Variants in EBF3 observed in about 807,000 individuals in gnomAD.
EBF3 encodes the protein transcription factor COE3.
A neutral mutation model predicts 77.1 loss-of-function variants in EBF3; 18 were observed. The ratio of observed to expected loss-of-function variants is 0.23; its 90% CI spans 0.16 to 0.35. The LOEUF (loss-of-function observed/expected upper bound fraction) is 0.35, where lower values mean the gene tolerates loss of function less well. Among genes scored for constraint, EBF3 ranks in the 10% least tolerant of loss-of-function variants. The pLI, the probability that EBF3 is intolerant of heterozygous loss-of-function variation, is 1.00. For missense variants in EBF3, 558 were observed against 860.0 expected (o/e 0.65, Z 4.39); for synonymous variants, 350 against 343.5 (o/e 1.02, Z -0.21).
chr10:129,874,930 G>A (rs948072121), intron 7 of EBF3, among the ~76,000 whole-genome samples: 4 of 152,084 alleles, frequency 2.6e-5, no homozygotes, highest in Non-Finnish European at 5.9e-5. Flanking sequence ...AGGGGGAGGG[G>A]CGCACGGGGG....
Position 129,962,994 on chromosome 10 carries a change from G to A in EBF3, c.303C>T (p.Asn101=), listed in dbSNP as rs771053013. The change falls in exon 3 of 17, where the codon AAC becomes AAT. Residue 101 remains asparagine, a synonymous_variant. Coordinates refer to ENST00000440978, the MANE Select transcript of EBF3 (RefSeq NM_001375380.1). ...DFVEKEKEPN[N]EKTNNGIHYK... is the part of the protein sequence containing the mutation. ...AGTGGATGCCGTTGTTGGTTTTCTCGTTGTTTGGCTCCTGAAAGTAACGAT... is the reference window on the plus strand; with the variant it reads ...AGTGGATGCCGTTGTTGGTTTTCTCATTGTTTGGCTCCTGAAAGTAACGAT... The A allele has an allele frequency of 1.9e-6, 3 of 1,614,132 alleles. No homozygotes were observed. The highest frequency in any genetic ancestry group is 2.7e-5 in the African/African-American group (2 of 75,056).
At position 129,920,360 on chromosome 10, in the gene EBF3, C is replaced by T. The variant is rs555669276; in HGVS notation, c.554+36898G>A. ...AGGGCCACAAACCCGCCCCGCTGTGCGGTCTAGGGCGAATATCTGCAGGAG... is the reference window on the plus strand; with the variant it reads ...AGGGCCACAAACCCGCCCCGCTGTGTGGTCTAGGGCGAATATCTGCAGGAG... On this transcript the variant is annotated intron_variant, in intron 6 of 16. Coordinates refer to ENST00000440978, the MANE Select transcript of EBF3 (RefSeq NM_001375380.1). Among the ~76,000 whole-genome samples, 144 of 151,826 alleles carry T rather than the reference C, an allele frequency of 9.5e-4. 1 individual carries two copies. Among genetic ancestry groups the T allele is most frequent in the Admixed American group, 5.4e-3 (83 of 15,252 alleles).
At chr10:129,939,188 C>G (rs953251018) in intron 6 of EBF3, among the ~76,000 whole-genome samples, 1 of 152,218 alleles carries the variant, frequency 6.6e-6, no homozygotes, top group African/African-American at 2.4e-5. Context: ...CAGTGGCAGC[C>G]AAACTGTGTT....
In EBF3 at chr10:129,901,793, T is replaced by TA. The variant is rs148435605; in HGVS notation, c.555-23945dup. The stretch of plus-strand genomic sequence containing the variant: ...GCCCTCGGTACAGTTTGCTCTGGTT[T>TA]AATGAGTTGGGGTGGGCCTCGTGGC... On this transcript the variant is annotated intron_variant, in intron 6 of 16. Coordinates refer to ENST00000440978, the MANE Select transcript of EBF3 (RefSeq NM_001375380.1). 7.6e-3 allele frequency among the ~76,000 whole-genome samples: 1,162 copies of TA among 152,328 alleles called. 11 individuals are homozygous for TA. The highest frequency in any genetic ancestry group is 0.026 in the African/African-American group (1,076 of 41,576).
intron 6 of EBF3, among the ~76,000 whole-genome samples, chr10:129,937,502 A>G (rs1857443430): frequency 6.6e-6 from 1 of 152,158 alleles, no homozygotes; most frequent in South Asian, 2.1e-4. Flanking sequence ...CCAAGCCCAC[A>G]CAACCTGTGG....
chr10:129,840,500 G>C, intron 14 of EBF3, 58 bp from the exon 15 acceptor site: 1 of 1,519,922 alleles, frequency 6.6e-7, no homozygotes, highest in Non-Finnish European at 8.9e-7. Flanking sequence ...CACGGCGAGA[G>C]GGCACCAAAG....
intron 10 of EBF3, among the ~76,000 whole-genome samples, chr10:129,850,428 C>T (rs1396106137): frequency 6.6e-6 from 1 of 152,190 alleles, no homozygotes; most frequent in Non-Finnish European, 1.5e-5. Flanking sequence ...AGTACATGGG[C>T]CCCTTTCACC....
At chr10:129,959,448 G>A (rs889115386) in intron 4 of EBF3, among the ~76,000 whole-genome samples, 2 of 152,100 alleles carry the variant, frequency 1.3e-5, no homozygotes, top group African/African-American at 4.8e-5. Context: ...CAATCTGCAT[G>A]TTGGGAGAGG....
intron 10 of EBF3, among the ~76,000 whole-genome samples, chr10:129,854,070 A>G (rs1851079691): frequency 6.9e-6 from 1 of 144,516 alleles, no homozygotes; most frequent in African/African-American, 2.5e-5. Context: ...TCCCCCCTGA[A>G]TACCTTGCCC....
rs75023690 is a variant in EBF3 at position 129,881,880 on chromosome 10, T to C, written c.555-4031A>G. On this transcript the variant is annotated intron_variant, in intron 6 of 16. Coordinates refer to ENST00000440978, the MANE Select transcript of EBF3 (RefSeq NM_001375380.1). ...GACTCATCTGCTCTAAATAGAGTTG[T>C]GGCCACCACTGCACCCAAGGAAGAA... 6.8e-3 allele frequency among the ~76,000 whole-genome samples: 1,040 copies of C among 152,354 alleles called. 6 individuals carry two copies. The highest frequency in any genetic ancestry group is 0.05 in the East Asian group (258 of 5,174).
At chr10:129,844,733 C>G (rs766553630) in intron 11 of EBF3, among the ~76,000 whole-genome samples, 3 of 152,022 alleles carry the variant, frequency 2.0e-5, no homozygotes, top group African/African-American at 4.8e-5. Context: ...TTGGTGCCGA[C>G]GCTTGATGTT....
rs2134094961 is a variant in EBF3, at chr10:129,870,661, G to A, written c.782-2749C>T. 2.0e-5 allele frequency among the ~76,000 whole-genome samples: 3 copies of A among 152,244 alleles called. 1 individual carries two copies. The South Asian group carries it at 6.2e-4, about 32-fold the overall frequency. Reference sequence around the variant, plus strand: ...CCTCTGCCCATCGTGACCCCCGCCGGCTCTCCCCAGGGCCTGCGGGGACTG... The same window carrying A: ...CCTCTGCCCATCGTGACCCCCGCCGACTCTCCCCAGGGCCTGCGGGGACTG... On this transcript the variant is annotated intron_variant, in intron 8 of 16. Coordinates refer to ENST00000440978, the MANE Select transcript of EBF3 (RefSeq NM_001375380.1). The surrounding 1 kb of genome is among the most constrained non-coding windows in gnomAD (Gnocchi z 4.4).
At chr10:129,846,542 T>C (rs1850480222) in intron 11 of EBF3, among the ~76,000 whole-genome samples, 1 of 151,764 alleles carries the variant, frequency 6.6e-6, no homozygotes, top group Non-Finnish European at 1.5e-5. Flanking sequence ...TGATTTTCTT[T>C]ATTCCATTTC....
chr10:129,890,389 G>C (rs930444328), intron 6 of EBF3, among the ~76,000 whole-genome samples: 1 of 152,178 alleles, frequency 6.6e-6, no homozygotes, highest in Non-Finnish European at 1.5e-5. Flanking sequence ...GGATCCCCAA[G>C]GCCCGGAGGG....
At chr10:129,854,934 A>T (rs1239600827) in intron 10 of EBF3, among the ~76,000 whole-genome samples, 1 of 152,184 alleles carries the variant, frequency 6.6e-6, no homozygotes, top group African/African-American at 2.4e-5. Flanking sequence ...GGAAGACGTC[A>T]GGTCACCCTC....
At chr10:129,871,366 C>T (rs1050468677) in intron 8 of EBF3, among the ~76,000 whole-genome samples, 9 of 152,154 alleles carry the variant, frequency 5.9e-5, no homozygotes, top group Non-Finnish European at 1.2e-4. Context: ...GCTCAAAGGA[C>T]GCCGTGGCAG....
intron 6 of EBF3, among the ~76,000 whole-genome samples, chr10:129,925,591 CAAA>C (rs11368338): frequency 1.4e-4 from 16 of 114,578 alleles, no homozygotes; most frequent in Non-Finnish European, 1.1e-4. Flanking sequence ...GACTCCATCT[CAAA>C]AAAAAAAAAA....
At chr10:129,839,262 A>AATCCAGTTACTCC in intron 15 of EBF3, 67 bp from the exon 16 acceptor site, 1 of 765,014 alleles carries the variant, frequency 1.3e-6, no homozygotes, top group Non-Finnish European at 2.0e-6. Flanking sequence ...GAGTAACTGG[A>AATCCAGTTACTCC]TTTGAGTCAC....
chr10:129,934,389 C>T (rs72837180), intron 6 of EBF3, among the ~76,000 whole-genome samples: 3 of 152,068 alleles, frequency 2.0e-5, no homozygotes, highest in Non-Finnish European at 4.4e-5. Context: ...TGGGGTCAGG[C>T]GTCATCTGTC....
Sources: allele counts gnomAD v4.1 joint callset (sites outside exome capture counted in the v4.1 genomes callset), GRCh38; gene constraint gnomAD v4.1.1; non-coding constraint Gnocchi (gnomAD v3.1); transcripts MANE v1.5; gene names NCBI Gene and HGNC (gene_info 2026-07-23, HGNC 2026-07-21).